The following SOX6 variants were observed in gnomAD, a reference collection of about 807,000 sequenced individuals.
SOX6 encodes the protein SRY-box transcription factor 6.
In SOX6, 11 loss-of-function variants were observed where a neutral mutation model predicts 97.8. The ratio of observed to expected loss-of-function variants is 0.11; its 90% CI spans 0.07 to 0.19. The LOEUF (loss-of-function observed/expected upper bound fraction) is 0.19. SOX6 is among the 10% of genes least tolerant of loss of function. The pLI, the probability that SOX6 is intolerant of heterozygous loss-of-function variation, is 1.00. For synonymous variants in SOX6, 360 were observed against 371.4 expected, an observed-to-expected ratio of 0.97 and a Z score of 0.35; for missense variants, 810 against 1,039.5, an observed-to-expected ratio of 0.78 and a Z score of 3.04.
At chr11:16,512,372 A>C (rs535644809) in intron 4 of SOX6, among the ~76,000 whole-genome samples, 15 of 152,328 alleles carry the variant, frequency 9.8e-5, no homozygotes, top group Admixed American at 7.8e-4. Flanking sequence ...CTATGACATC[A>C]CATCTTTGCA....
intron 3 of SOX6, among the ~76,000 whole-genome samples, chr11:16,628,485 G>A (rs1590019690): frequency 6.6e-6 from 1 of 151,932 alleles, no homozygotes; most frequent in Admixed American, 6.6e-5. Context: ...AATTAGCTGG[G>A]TATGGTGGTA....
At chr11:16,351,715 A>G (rs1856952521) in intron 1 of SOX6, among the ~76,000 whole-genome samples, 1 of 152,056 alleles carries the variant, frequency 6.6e-6, no homozygotes, top group African/African-American at 2.4e-5. Context: ...TTAGGAAACC[A>G]ACTGAGACTA....
chr11:16,464,374 T>C (rs1025259997), intron 1 of SOX6, among the ~76,000 whole-genome samples: 18 of 151,772 alleles, frequency 1.2e-4, no homozygotes, highest in Admixed American at 9.8e-4. Context: ...CTGCATACAA[T>C]TTAAGATACA....
intron 6 of SOX6, among the ~76,000 whole-genome samples, chr11:16,137,618 C>G (rs1185149994): frequency 6.6e-6 from 1 of 152,118 alleles, no homozygotes; most frequent in Non-Finnish European, 1.5e-5. Flanking sequence ...AATATTTCTA[C>G]TGCTTACCTT....
intron 6 of SOX6, among the ~76,000 whole-genome samples, chr11:16,122,607 T>G (rs560332608): frequency 6.6e-6 from 1 of 152,030 alleles, no homozygotes; most frequent in African/African-American, 2.4e-5. Context: ...TTATGCAACC[T>G]TATTCTGTTA....
chr11:16,347,617 C>T (rs1856803902), intron 1 of SOX6, among the ~76,000 whole-genome samples: 2 of 152,020 alleles, frequency 1.3e-5, no homozygotes, highest in South Asian at 4.1e-4. Flanking sequence ...AGTGAATAAA[C>T]AGACATCTCT....
intron 3 of SOX6, among the ~76,000 whole-genome samples, chr11:16,269,577 A>G (rs1222144453): frequency 6.6e-6 from 1 of 150,726 alleles, no homozygotes. Flanking sequence ...CCAAAAGGGG[A>G]TGTCGTTTTA....
At chr11:16,462,009 A>C (rs1025299450) in intron 1 of SOX6, among the ~76,000 whole-genome samples, 46 of 152,238 alleles carry the variant, frequency 3.0e-4, no homozygotes, top group African/African-American at 1.1e-3. Flanking sequence ...CTTTGAAAAA[A>C]GTCAGTAATT....
At chr11:16,268,746 C>G (rs139415104) in intron 3 of SOX6, among the ~76,000 whole-genome samples, 3 of 151,110 alleles carry the variant, frequency 2.0e-5, no homozygotes, top group Non-Finnish European at 3.0e-5. Context: ...TATCCATGTC[C>G]TTTTCTCTTT....
intron 4 of SOX6, among the ~76,000 whole-genome samples, chr11:16,496,864 C>A (rs527516167): frequency 6.6e-6 from 1 of 152,288 alleles, no homozygotes; most frequent in East Asian, 1.9e-4. Context: ...AGGAGGCCTG[C>A]CTGCCTCTAT....
At chr11:16,094,990 A>G (rs893170408) in intron 9 of SOX6, among the ~76,000 whole-genome samples, 1 of 151,898 alleles carries the variant, frequency 6.6e-6, no homozygotes, top group Non-Finnish European at 1.5e-5. Flanking sequence ...GGTAACGTCA[A>G]AGGGACCTTT....
At chr11:16,440,311 A>C (rs1590204527) in intron 1 of SOX6, among the ~76,000 whole-genome samples, 1 of 152,336 alleles carries the variant, frequency 6.6e-6, no homozygotes, top group Non-Finnish European at 1.5e-5. Flanking sequence ...ATTTTTCAAA[A>C]GGATACACAG....
At chr11:16,440,897 A>G (rs1407320794) in intron 1 of SOX6, among the ~76,000 whole-genome samples, 2 of 152,072 alleles carry the variant, frequency 1.3e-5, no homozygotes, top group African/African-American at 4.8e-5. Context: ...TGAGAGAAAA[A>G]TTTCTCCAAT....
At chr11:16,087,335 A>G (rs1462685981) in intron 9 of SOX6, among the ~76,000 whole-genome samples, 1 of 152,164 alleles carries the variant, frequency 6.6e-6, no homozygotes, top group Non-Finnish European at 1.5e-5. Context: ...CCTTTGTAAT[A>G]TCCAATTTAC....
At chr11:16,057,587 T>C (rs75824891) in intron 9 of SOX6, among the ~76,000 whole-genome samples, 2,141 of 152,286 alleles carry the variant, frequency 0.014, 45 homozygotes, top group African/African-American at 0.049. Flanking sequence ...TGCAGATCTA[T>C]GGCACTTGTA....
chr11:16,079,163 C>T (rs1283775200), intron 9 of SOX6, among the ~76,000 whole-genome samples: 1 of 152,122 alleles, frequency 6.6e-6, no homozygotes, highest in Non-Finnish European at 1.5e-5. Flanking sequence ...GAACCAGATG[C>T]TGTTGCTTGA....
chr11:16,053,125 C>T (rs1435625855), intron 10 of SOX6, among the ~76,000 whole-genome samples: 1 of 152,186 alleles, frequency 6.6e-6, no homozygotes, highest in Non-Finnish European at 1.5e-5. Context: ...TGTCTCTCTA[C>T]TCAGGGAGCC....
At chr11:16,406,916 AT>A (rs1858698476) in intron 1 of SOX6, among the ~76,000 whole-genome samples, 1 of 152,100 alleles carries the variant, frequency 6.6e-6, no homozygotes, top group Non-Finnish European at 1.5e-5. Flanking sequence ...TAAAAAGATA[AT>A]TAACAACCCC....
chr11:16,539,442 T>C (rs1447603676), intron 4 of SOX6, among the ~76,000 whole-genome samples: 1 of 151,912 alleles, frequency 6.6e-6, no homozygotes, highest in Non-Finnish European at 1.5e-5. Flanking sequence ...ATTCAAAAGC[T>C]AGCAGAAGCA....
Sources: allele counts gnomAD v4.1 joint callset (sites outside exome capture counted in the v4.1 genomes callset), GRCh38; gene constraint gnomAD v4.1.1; transcripts MANE v1.5; gene names NCBI Gene and HGNC (gene_info 2026-07-23, HGNC 2026-07-21).